The following CADM2 variants were observed in gnomAD, a reference collection of about 807,000 sequenced individuals.
The protein encoded by CADM2 is immunoglobulin superfamily member 4D.
Under a neutral mutation model 49.8 loss-of-function variants are expected in CADM2, and 12 were observed. That is an observed-to-expected ratio of 0.24 (90% CI 0.15 to 0.39). The LOEUF (loss-of-function observed/expected upper bound fraction) is 0.39, where lower values mean the gene tolerates loss of function less well. Among genes scored for constraint, CADM2 ranks in the 10% least tolerant of loss-of-function variants. The probability of loss-of-function intolerance (pLI) is 1.00; values close to 1 mark genes in which losing one functional copy is unlikely to be tolerated. For missense variants in CADM2, 378 were observed against 492.3 expected (o/e 0.77, Z 2.20); for synonymous variants, 214 against 175.4 (o/e 1.22, Z -1.74).
chr3:85,344,329 A>C (rs4856567), intron 1 of CADM2, among the ~76,000 whole-genome samples: 135,937 of 151,172 alleles, frequency 0.9, 61,243 homozygotes, highest in Admixed American at 0.93. Context: ...TACAGTGAGC[A>C]GAGATTGCGC....
intron 8 of CADM2, chr3:86,028,099 T>A (rs1734112909): frequency 1.3e-5 from 2 of 150,804 alleles, no homozygotes; most frequent in Non-Finnish European, 3.0e-5. Flanking sequence ...ATACCTAATG[T>A]TAAATGATGA....
intron 1 of CADM2, among the ~76,000 whole-genome samples, chr3:85,428,343 T>C (rs934580933): frequency 1.4e-5 from 2 of 145,862 alleles, no homozygotes; most frequent in Admixed American, 7.0e-5. Context: ...ATATATTATT[T>C]TCATATATTC....
intron 1 of CADM2, among the ~76,000 whole-genome samples, chr3:85,448,266 G>A (rs1487912330): frequency 2.0e-5 from 3 of 149,632 alleles, no homozygotes; most frequent in Non-Finnish European, 2.9e-5. Context: ...CCGGAAGGCG[G>A]AGCTTGCAGT....
intron 3 of CADM2, among the ~76,000 whole-genome samples, chr3:85,882,579 A>T (rs1712976212): frequency 6.6e-6 from 1 of 152,134 alleles, no homozygotes. Context: ...AGCTCTACTT[A>T]GTAGAGCACA....
At chr3:85,713,309 C>G (rs1577141982) in intron 1 of CADM2, among the ~76,000 whole-genome samples, 1 of 152,162 alleles carries the variant, frequency 6.6e-6, no homozygotes, top group African/African-American at 2.4e-5. Context: ...GCACGTGGGA[C>G]TAACTTTTTT....
intron 1 of CADM2, among the ~76,000 whole-genome samples, chr3:84,986,713 C>A (rs2032577740): frequency 6.6e-6 from 1 of 151,478 alleles, no homozygotes; most frequent in Non-Finnish European, 1.5e-5. Context: ...TGTAACTAAC[C>A]TGCACATTGT....
At position 86,072,212 on chromosome 3, in the gene CADM2, TA is replaced by T. The variant is rs905210423; in HGVS notation, c.*5432del. ...TAATGGTTAATCTCTAAAATATGCTTAAAGTAAGATGTTTCTATGTTATGTG... is the reference window on the plus strand; with the variant it reads ...TAATGGTTAATCTCTAAAATATGCTTAAGTAAGATGTTTCTATGTTATGTG... On this transcript the variant is annotated 3_prime_UTR_variant, in exon 10 of 10. Coordinates refer to ENST00000383699, the MANE Select transcript of CADM2 (RefSeq NM_001167675.2). The T allele has an allele frequency of 6.6e-6, 1 of 151,694 alleles. No homozygotes were observed. Among genetic ancestry groups the T allele is most frequent in the African/African-American group, 2.4e-5 (1 of 41,370 alleles). The allele number at this position is 151,694 out of a possible 1,614,324, so 9.4% of individuals were successfully genotyped here.
intron 1 of CADM2, among the ~76,000 whole-genome samples, chr3:85,659,503 G>A (rs1186700727): frequency 6.6e-6 from 1 of 151,752 alleles, no homozygotes; most frequent in African/African-American, 2.4e-5. Context: ...AAATATACAC[G>A]CTCAGAGAAG....
intron 7 of CADM2, among the ~76,000 whole-genome samples, chr3:85,953,955 T>C (rs1723748881): frequency 6.6e-6 from 1 of 150,842 alleles, no homozygotes; most frequent in Non-Finnish European, 1.5e-5. Flanking sequence ...AGTTCTGAAG[T>C]TTTGTTTTTT....
chr3:85,016,978 A>T (rs2034277749), intron 1 of CADM2, among the ~76,000 whole-genome samples: 1 of 152,150 alleles, frequency 6.6e-6, no homozygotes, highest in Non-Finnish European at 1.5e-5. Flanking sequence ...GGATGCTTGA[A>T]ATAAATGAAA....
intron 1 of CADM2, among the ~76,000 whole-genome samples, chr3:85,598,966 C>T (rs1483294104): frequency 2.6e-5 from 4 of 151,644 alleles, no homozygotes; most frequent in Non-Finnish European, 1.5e-5. Context: ...AGAAAATGCC[C>T]ATTTTATTTG....
intron 1 of CADM2, among the ~76,000 whole-genome samples, chr3:85,627,606 G>A (rs1659069983): frequency 6.6e-6 from 1 of 151,796 alleles, no homozygotes; most frequent in Non-Finnish European, 1.5e-5. Context: ...ATGAGAACCC[G>A]GGGTGCTCAA....
At chr3:85,238,165 A>T (rs1480839913) in intron 1 of CADM2, among the ~76,000 whole-genome samples, 1 of 151,964 alleles carries the variant, frequency 6.6e-6, no homozygotes, top group Non-Finnish European at 1.5e-5. Flanking sequence ...ATTTGCAATT[A>T]AATATTTTAC....
intron 1 of CADM2, among the ~76,000 whole-genome samples, chr3:85,202,061 A>G (rs2041517028): frequency 7.1e-6 from 1 of 141,558 alleles, no homozygotes; most frequent in African/African-American, 2.7e-5. Flanking sequence ...GCCTGGTGAC[A>G]GAGCGAGACT....
intron 1 of CADM2, among the ~76,000 whole-genome samples, chr3:85,137,914 A>G (rs1278508923): frequency 1.3e-5 from 2 of 152,160 alleles, no homozygotes; most frequent in East Asian, 3.8e-4. Context: ...ATTCAAATAT[A>G]GAATTATTAA....
At chr3:85,089,112 A>G (rs1345163916) in intron 1 of CADM2, among the ~76,000 whole-genome samples, 2 of 152,106 alleles carry the variant, frequency 1.3e-5, no homozygotes, top group Non-Finnish European at 2.9e-5. Context: ...TATTAATTGA[A>G]AATTTATTCG....
chr3:85,708,829 T>C (rs2067027621), intron 1 of CADM2, among the ~76,000 whole-genome samples: 1 of 152,054 alleles, frequency 6.6e-6, no homozygotes, highest in South Asian at 2.1e-4. Flanking sequence ...CTGCCTGAAA[T>C]ATACACAAAG....
At chr3:85,684,431 C>T (rs1041485711) in intron 1 of CADM2, among the ~76,000 whole-genome samples, 1 of 151,742 alleles carries the variant, frequency 6.6e-6, no homozygotes, top group Non-Finnish European at 1.5e-5. Flanking sequence ...GTAGGCAAGC[C>T]GGCACACTTT....
chr3:85,762,012 T>A (rs2069413313), intron 2 of CADM2, among the ~76,000 whole-genome samples: 1 of 152,148 alleles, frequency 6.6e-6, no homozygotes, highest in Non-Finnish European at 1.5e-5. Flanking sequence ...GTATGGCTAA[T>A]CTGAGTTTTG....
Sources: gnomAD v4.1 joint callset for allele counts (sites outside exome capture counted in the v4.1 genomes callset) on GRCh38, gnomAD v4.1.1 for gene constraint, MANE v1.5 for transcripts, NCBI Gene and HGNC (gene_info 2026-07-23, HGNC 2026-07-21) for gene names.